The following ZBTB20 variants were observed in gnomAD, a reference collection of about 807,000 sequenced individuals.
ZBTB20 encodes zinc finger and BTB domain-containing protein 20.
A neutral mutation model predicts 56.9 loss-of-function variants in ZBTB20; 9 were observed. The observed-to-expected ratio is 0.16, with a 90% confidence interval of 0.10 to 0.28. ZBTB20 has a LOEUF of 0.28. Ranked by LOEUF, ZBTB20 falls within the 10% of genes least tolerant of loss-of-function variation. The pLI, the probability that ZBTB20 is intolerant of heterozygous loss-of-function variation, is 1.00. For missense variants in ZBTB20, 655 were observed against 1,003.0 expected, an observed-to-expected ratio of 0.65 and a Z score of 4.69; for synonymous variants, 417 against 420.7, an observed-to-expected ratio of 0.99 and a Z score of 0.11.
intron 4 of ZBTB20, among the ~76,000 whole-genome samples, chr3:114,809,131 T>C (rs543495634): frequency 1.3e-5 from 2 of 152,228 alleles, no homozygotes; most frequent in East Asian, 3.9e-4. Context: ...ATTCAAAAGT[T>C]TGACTATAAT....
chr3:114,890,167 AT>A (rs1362946933), intron 4 of ZBTB20, among the ~76,000 whole-genome samples: 1 of 152,216 alleles, frequency 6.6e-6, no homozygotes, highest in Non-Finnish European at 1.5e-5. Flanking sequence ...TAACAGTAAA[AT>A]TCTTAAATAC....
chr3:114,929,400 A>G (rs937204777), intron 3 of ZBTB20, among the ~76,000 whole-genome samples: 2 of 152,290 alleles, frequency 1.3e-5, no homozygotes, highest in Non-Finnish European at 2.9e-5. Flanking sequence ...CAACTGGGGG[A>G]GGTGAGAAAG....
At position 114,380,204 on chromosome 3, in the gene ZBTB20, G is replaced by C. The variant is rs764543426; in HGVS notation, c.199+13C>G. The C allele has an allele frequency of 5.9e-6, 9 of 1,533,312 alleles. No homozygotes were observed. The highest frequency in any genetic ancestry group is 7.9e-6 in the Non-Finnish European group (9 of 1,144,842). The allele number at this position is 1,533,312 out of a possible 1,614,324, so 95.0% of individuals were successfully genotyped here. On this transcript the variant is annotated intron_variant, in intron 10 of 11. Coordinates refer to ENST00000675478, the MANE Select transcript of ZBTB20 (RefSeq NM_001348800.3). ...GCACTGCAAAGACACCATCACCTTAGTGGTGTACTCACAATCAGATGACCC... is the reference window on the plus strand; with the variant it reads ...GCACTGCAAAGACACCATCACCTTACTGGTGTACTCACAATCAGATGACCC...
At chr3:114,982,093 G>A (rs771457214) in intron 2 of ZBTB20, among the ~76,000 whole-genome samples, 7 of 151,906 alleles carry the variant, frequency 4.6e-5, no homozygotes, top group Non-Finnish European at 8.8e-5. Flanking sequence ...TAGTAAGTGT[G>A]GAATTATACA....
intron 3 of ZBTB20, among the ~76,000 whole-genome samples, chr3:114,911,874 T>C (rs2075553673): frequency 6.6e-6 from 1 of 151,748 alleles, no homozygotes; most frequent in Non-Finnish European, 1.5e-5. Context: ...GCAGAAAAGT[T>C]CCCAAATCCT....
In ZBTB20 at chr3:114,440,207, C is replaced by T. The variant is rs2090818015; in HGVS notation, c.-254-51102G>A. Among the ~76,000 whole-genome samples the T allele has an allele frequency of 2.6e-5, 4 of 151,908 alleles. No homozygotes were observed. The South Asian group carries it at 8.3e-4, about 31-fold the overall frequency. On this transcript the variant is annotated intron_variant, in intron 7 of 11. Transcript: ENST00000675478. ...TGTAAATAGATAGCTACGATATATA[C>T]ATTAATATATGTGTGCACAATCAGC...
intron 4 of ZBTB20, among the ~76,000 whole-genome samples, chr3:114,871,370 T>C (rs569212748): frequency 1.2e-3 from 188 of 152,254 alleles, no homozygotes; most frequent in African/African-American, 4.5e-3. Flanking sequence ...TCTGCCTTCT[T>C]AGATACTCTA....
At chr3:114,689,239 T>C (rs1167509679) in intron 6 of ZBTB20, among the ~76,000 whole-genome samples, 1 of 152,192 alleles carries the variant, frequency 6.6e-6, no homozygotes, top group African/African-American at 2.4e-5. Context: ...TCCTGTGTTA[T>C]GCATCCAATA....
intron 5 of ZBTB20, among the ~76,000 whole-genome samples, chr3:114,750,990 G>T (rs886963378): frequency 6.6e-6 from 1 of 152,122 alleles, no homozygotes; most frequent in Admixed American, 6.6e-5. Context: ...GTTAGTTTTA[G>T]ATTTTTGAAC....
intron 3 of ZBTB20, among the ~76,000 whole-genome samples, chr3:114,927,314 A>G (rs917219762): frequency 6.6e-6 from 1 of 152,144 alleles, no homozygotes; most frequent in Non-Finnish European, 1.5e-5. Flanking sequence ...CATCTTACAT[A>G]TGTTGATTGA....
intron 2 of ZBTB20, among the ~76,000 whole-genome samples, chr3:114,985,539 A>T (rs931754393): frequency 1.3e-5 from 2 of 152,118 alleles, no homozygotes; most frequent in African/African-American, 4.8e-5. Flanking sequence ...ACACTTCCCC[A>T]TTAAACTTTT....
intron 7 of ZBTB20, among the ~76,000 whole-genome samples, chr3:114,456,782 T>G (rs2092046235): frequency 6.6e-6 from 1 of 152,212 alleles, no homozygotes; most frequent in Non-Finnish European, 1.5e-5. Flanking sequence ...CAGATGTTAC[T>G]GGAGAGATTA....
chr3:114,922,242 C>G (rs2075987370), intron 3 of ZBTB20, among the ~76,000 whole-genome samples: 1 of 152,052 alleles, frequency 6.6e-6, no homozygotes, highest in Non-Finnish European at 1.5e-5. Context: ...TGGTGAAAAG[C>G]TGAAAGCATT....
chr3:115,127,732 C>T (rs1045985177), intron 1 of ZBTB20, among the ~76,000 whole-genome samples: 2 of 151,922 alleles, frequency 1.3e-5, no homozygotes, highest in Non-Finnish European at 2.9e-5. Context: ...CTCAACTGAC[C>T]GCTGAATAAG....
At chr3:114,616,774 T>A (rs2057974795) in intron 6 of ZBTB20, among the ~76,000 whole-genome samples, 1 of 152,108 alleles carries the variant, frequency 6.6e-6, no homozygotes, top group Non-Finnish European at 1.5e-5. Flanking sequence ...CACCCCCAAA[T>A]TAAACACCTT....
At chr3:114,721,157 T>C (rs1006355254) in intron 5 of ZBTB20, among the ~76,000 whole-genome samples, 2 of 152,176 alleles carry the variant, frequency 1.3e-5, no homozygotes, top group Non-Finnish European at 2.9e-5. Context: ...AACGGGGTCC[T>C]TGAATAATGG....
rs1049597027 is a variant in ZBTB20 at position 115,067,495 on chromosome 3, T to C, written c.-507+3724A>G. On this transcript the variant is annotated intron_variant, in intron 2 of 11. Transcript: ENST00000675478. The stretch of plus-strand genomic sequence containing the variant: ...ATAAATCATTCAATGGATAACACAG[T>C]GAAAATTTTCAACATAACAGAAAGA... Among the ~76,000 whole-genome samples, 56 of 150,228 alleles carry C rather than the reference T, an allele frequency of 3.7e-4. 1 individual carries two copies. Among genetic ancestry groups the C allele is most frequent in the African/African-American group, 1.4e-3 (56 of 40,764 alleles).
intron 2 of ZBTB20, among the ~76,000 whole-genome samples, chr3:114,988,145 G>A (rs2078631016): frequency 7.4e-6 from 1 of 134,652 alleles, no homozygotes; most frequent in African/African-American, 2.8e-5. Flanking sequence ...TGTGCACAAT[G>A]TGCAGGTTTG....
At chr3:115,119,680 A>G (rs147430728) in intron 1 of ZBTB20, among the ~76,000 whole-genome samples, 172 of 152,254 alleles carry the variant, frequency 1.1e-3, no homozygotes, top group Non-Finnish European at 7.6e-4. Flanking sequence ...GTTTATTTCT[A>G]TTTTATCTAA....
Sources: gnomAD v4.1 joint callset for allele counts (sites outside exome capture counted in the v4.1 genomes callset) on GRCh38, gnomAD v4.1.1 for gene constraint, MANE v1.5 for transcripts, NCBI Gene and HGNC (gene_info 2026-07-23, HGNC 2026-07-21) for gene names.